Variants in CSF2RB observed in about 807,000 individuals in gnomAD.
CSF2RB encodes the protein colony stimulating factor 2 receptor subunit beta, also known as cytokine receptor common subunit beta.
A neutral mutation model predicts 67.2 loss-of-function variants in CSF2RB; 22 were observed. The observed-to-expected ratio is 0.33, with a 90% CI of 0.23 to 0.47. CSF2RB has a LOEUF of 0.47. Ranked by LOEUF, CSF2RB falls within the 20% of genes least tolerant of loss-of-function variation. CSF2RB has a pLI of 1.00. For missense variants in CSF2RB, 1,113 were observed against 1,174.5 expected, an observed-to-expected ratio of 0.95 and a Z score of 0.76; for synonymous variants, 507 against 482.9, an observed-to-expected ratio of 1.05 and a Z score of -0.65.
Position 36,936,603 on chromosome 22 carries a change from A to G in CSF2RB, c.1519A>G (p.Ser507Gly). The change falls in exon 13 of 14, where the codon AGT becomes GGT. Residue 507 changes from serine to glycine, a missense_variant. By Grantham distance (56) the Ser-to-Gly change is moderately conservative. Coordinates refer to ENST00000403662, the MANE Select transcript of CSF2RB (RefSeq NM_000395.3). Reference sequence around the variant, plus strand: ...CAGCATGTCGGCCTTCACTAGCGGGAGTCCCCCACACCAGGGGCCGTGGGG... The same window carrying G: ...CAGCATGTCGGCCTTCACTAGCGGGGGTCCCCCACACCAGGGGCCGTGGGG... The part of the protein sequence containing the change: ...PGSMSAFTSG[S>G]PPHQGPWGSR... 6.2e-7 allele frequency: 1 copy of G among 1,613,620 alleles called. No homozygotes were observed. The highest frequency in any genetic ancestry group is 8.5e-7 in the Non-Finnish European group (1 of 1,180,004).
intron 3 of CSF2RB, among the ~76,000 whole-genome samples, chr22:36,923,980 G>T (rs966700541): frequency 2.6e-5 from 4 of 152,134 alleles, no homozygotes; most frequent in African/African-American, 9.7e-5. Flanking sequence ...AAGGGGACCA[G>T]AATCGCTCTG....
intron 10 of CSF2RB, among the ~76,000 whole-genome samples, 190 bp downstream of exon 10, chr22:36,934,184 C>T (rs1483350660): frequency 1.3e-5 from 2 of 152,130 alleles, no homozygotes; most frequent in Non-Finnish European, 2.9e-5. Flanking sequence ...GGTCATCAGA[C>T]CCGCAAGTTG....
At chr22:36,933,040 T>C in intron 9 of CSF2RB, 136 bp downstream of exon 9, 1 of 1,043,202 alleles carries the variant, frequency 9.6e-7, no homozygotes, top group Non-Finnish European at 1.4e-6. Flanking sequence ...GACGTGGTGA[T>C]CACTAGGCTG....
chr22:36,922,414 C>T, intron 2 of CSF2RB, 131 bp downstream of exon 2: 3 of 804,654 alleles, frequency 3.7e-6, no homozygotes, highest in Non-Finnish European at 6.2e-6. Context: ...GTCTCTCCCC[C>T]TGGCCTTCCC....
Position 36,938,038 on chromosome 22 carries a change from T to G in CSF2RB, c.2230T>G (p.Leu744Val), listed in dbSNP as rs1476009791. 4 of 1,613,912 alleles carry G rather than the reference T, an allele frequency of 2.5e-6. No individual in the cohort carries two copies. In the Admixed American group the frequency reaches 6.7e-5, roughly 27 times the overall value. ...LGLPSDQTPS[L>V]CPGLASGPPG... ...CCTCCCCTCAGACCAGACCCCCAGC[T>G]TATGTCCTGGGCTGGCCAGTGGACC... is the stretch of plus-strand genomic sequence containing the variant. The change falls in exon 14 of 14, where the codon TTA (leucine) becomes GTA (valine). Residue 744 changes from leucine (L) to valine (V), a missense_variant. Physicochemically the swap from Leu to Val is conservative, Grantham distance 32. Around this residue, in one of 2 missense-constraint regions of CSF2RB, gnomAD observed 554 missense variants for 517.9 expected, o/e 1.07. Coordinates refer to ENST00000403662, the MANE Select transcript of CSF2RB (RefSeq NM_000395.3).
In CSF2RB at chr22:36,923,225, C is replaced by T; in HGVS notation, c.77-19C>T. The T allele has an allele frequency of 6.2e-7, 1 of 1,614,150 alleles. No homozygotes were observed. The highest frequency in any genetic ancestry group is 8.5e-7 in the Non-Finnish European group (1 of 1,180,016). ...CCCTGCAGGAAAGAGAGGTGACCCCCTTCTACCCCTCTTGTCAGAAACCAT... is the reference window on the plus strand; with the variant it reads ...CCCTGCAGGAAAGAGAGGTGACCCCTTTCTACCCCTCTTGTCAGAAACCAT... On this transcript the variant is annotated intron_variant, in intron 2 of 13. Transcript: ENST00000403662.
In CSF2RB at chr22:36,932,791, G is replaced by T; in HGVS notation, c.1039G>T (p.Val347Leu). 1.2e-6 allele frequency: 2 copies of T among 1,614,004 alleles called. No individual in the cohort carries two copies. The change falls in exon 9 of 14, where the codon GTG (valine) becomes TTG (leucine). Residue 347 changes from valine (V) to leucine (L), a missense_variant. By Grantham distance (32) the Val-to-Leu change is conservative. Around this residue, in one of 2 missense-constraint regions of CSF2RB, gnomAD observed 559 missense variants for 656.5 expected, o/e 0.85. Coordinates refer to ENST00000403662, the MANE Select transcript of CSF2RB (RefSeq NM_000395.3). ...NIQMAPPSLN[V>L]TKDGDSYSLR... ...CCAGATGGCCCCTCCATCCCTCAAC[G>T]TGACCAAGGATGGAGACAGCTACAG...
At position 36,922,186 on chromosome 22, in the gene CSF2RB, C is replaced by T. The variant is rs1226785167; in HGVS notation, c.-22C>T. ...AGCACCCACCAGTGCTGGTGCCTGC[C>T]TGTCCAGAGCTGACCAGGGAGATGG... On this transcript the variant is annotated 5_prime_UTR_variant, in exon 2 of 14. Transcript: ENST00000403662. 1.3e-6 allele frequency: 2 copies of T among 1,569,910 alleles called. No individual in the cohort carries two copies. Among genetic ancestry groups the T allele is most frequent in the African/African-American group, 1.3e-5 (1 of 74,288 alleles).
chr22:36,935,113 A>G (rs536985603), intron 10 of CSF2RB, among the ~76,000 whole-genome samples: 4 of 152,234 alleles, frequency 2.6e-5, no homozygotes, highest in Admixed American at 6.5e-5. Flanking sequence ...TAGATCCTGG[A>G]AAGGATCTGA....
In CSF2RB at chr22:36,937,189, A is replaced by T. The variant is rs1941284349; in HGVS notation, c.1569-188A>T. The stretch of plus-strand genomic sequence containing the variant: ...AGCTCCTGAGCCACGGAAAGACTGA[A>T]TCCATGTCCCATGTCCTTCTCTGGG... On this transcript the variant is annotated intron_variant, in intron 13 of 13. Coordinates refer to ENST00000403662, the MANE Select transcript of CSF2RB (RefSeq NM_000395.3). The surrounding 1 kb of genome is among the most constrained non-coding windows in gnomAD (Gnocchi z 4.6). Among the ~76,000 whole-genome samples, 2 of 152,074 alleles carry T rather than the reference A, an allele frequency of 1.3e-5. No individual in the cohort carries two copies. Among genetic ancestry groups the T allele is most frequent in the Middle Eastern group, 6.8e-3 (2 of 294 alleles).
rs762487806 is a variant in CSF2RB at position 36,938,464 on chromosome 22, C to T, written c.2656C>T (p.Pro886Ser). 2 of 1,613,910 alleles carry T rather than the reference C, an allele frequency of 1.2e-6. No individual in the cohort carries two copies. The highest frequency in any genetic ancestry group is 1.7e-6 in the Non-Finnish European group (2 of 1,179,980). The stretch of plus-strand genomic sequence containing the variant: ...GAAGCAGCAGGACTACCTGTCTCTG[C>T]CCCCTTGGGAGGTCAACAAGCCTGG... ...ALKQQDYLSL[P>S]PWEVNKPGEV... Residue 886 changes from proline to serine, a missense_variant, in exon 14 of 14, where the codon CCC becomes TCC. Coordinates refer to ENST00000403662, the MANE Select transcript of CSF2RB (RefSeq NM_000395.3).
At chr22:36,932,999 T>C (rs191616578) in intron 9 of CSF2RB, 95 bp downstream of exon 9, 1 of 1,506,542 alleles carries the variant, frequency 6.6e-7, no homozygotes, top group Admixed American at 1.9e-5. Context: ...GTCGGGCCCT[T>C]GGCAGGTGAC....
In CSF2RB at chr22:36,926,169, C is replaced by T. The variant is rs766052297; in HGVS notation, c.383C>T (p.Thr128Ile). The T allele has an allele frequency of 1.9e-6, 3 of 1,614,078 alleles. No individual in the cohort carries two copies. The highest frequency in any genetic ancestry group is 1.1e-5 in the South Asian group (1 of 91,082). The change falls in exon 4 of 14, where the codon ACC becomes ATC. Residue 128 changes from threonine (T) to isoleucine (I), a missense_variant. Thr to Ile is a moderately conservative substitution (Grantham distance 89, BLOSUM62 -1). Transcript: ENST00000403662. ...GGCACCCGGCTCACCGTCACTCTGA[C>T]CCAGCATGGTGAGGGGCTGGGGGCC... is the stretch of plus-strand genomic sequence containing the variant. Reference protein sequence around the residue: ...PLGTRLTVTLTQHVQPPEPRD... With the variant: ...PLGTRLTVTLIQHVQPPEPRD...
Position 36,936,570 on chromosome 22 carries a change from C to T in CSF2RB, c.1486C>T (p.Pro496Ser), listed in dbSNP as rs373727945. 7 of 1,612,970 alleles carry T rather than the reference C, an allele frequency of 4.3e-6. No homozygotes were observed. Among genetic ancestry groups the T allele is most frequent in the Non-Finnish European group, 5.9e-6 (7 of 1,180,000 alleles). ...GCAGAACGGGAGCGCAGAGCTTTGG[C>T]CCCCAGGCAGCATGTCGGCCTTCAC... is the stretch of plus-strand genomic sequence containing the variant. ...LFQNGSAELW[P>S]PGSMSAFTSG... The change falls in exon 13 of 14, where the codon CCC becomes TCC. Residue 496 changes from proline to serine, a missense_variant. Pro to Ser is a moderately conservative substitution (Grantham distance 74). Transcript: ENST00000403662.
chr22:36,924,371 C>T (rs908100963), intron 3 of CSF2RB, among the ~76,000 whole-genome samples: 14 of 151,922 alleles, frequency 9.2e-5, no homozygotes, highest in African/African-American at 2.4e-4. Flanking sequence ...AGGAACATCA[C>T]GGCCCCCAAG....
intron 13 of CSF2RB, 93 bp downstream of exon 13, chr22:36,936,745 T>A: frequency 9.0e-7 from 1 of 1,106,380 alleles, no homozygotes; most frequent in Non-Finnish European, 1.3e-6. Flanking sequence ...AGGCTGCCTG[T>A]GGCTCACTGT....
chr22:36,932,702 C>T, intron 8 of CSF2RB, 63 bp from the exon 9 acceptor site: 2 of 1,580,838 alleles, frequency 1.3e-6, no homozygotes, highest in Non-Finnish European at 1.7e-6. Context: ...TAGCATGAGA[C>T]ACGGGGAATG....
intron 1 of CSF2RB, among the ~76,000 whole-genome samples, chr22:36,919,599 C>T (rs1182686150): frequency 1.3e-5 from 2 of 150,454 alleles, no homozygotes; most frequent in African/African-American, 4.9e-5. Context: ...TTAGTAAAGA[C>T]GGGGTTCTAC....
At position 36,937,487 on chromosome 22, in the gene CSF2RB, A is replaced by G. The variant is rs1941293329; in HGVS notation, c.1679A>G (p.Asp560Gly). 1 of 1,614,000 alleles carries G rather than the reference A, an allele frequency of 6.2e-7. No homozygotes were observed. The highest frequency in any genetic ancestry group is 1.1e-5 in the South Asian group (1 of 91,084). ...CCTGACACGACTCCAGCTGCCTCAG[A>G]TCTACCCACAGAGCAGCCCCCCAGC... ...SGPDTTPAASDLPTEQPPSPQ... is the reference protein window; with the variant it reads ...SGPDTTPAASGLPTEQPPSPQ... Residue 560 changes from aspartate to glycine, a missense_variant, in exon 14 of 14, where the codon GAT (aspartate) becomes GGT (glycine). Transcript: ENST00000403662. The surrounding 1 kb of genome is among the most constrained non-coding windows in gnomAD (Gnocchi z 4.6).
Sources: allele counts gnomAD v4.1 joint callset (sites outside exome capture counted in the v4.1 genomes callset), GRCh38; gene constraint gnomAD v4.1.1; regional missense constraint gnomAD v4.1.1; non-coding constraint Gnocchi (gnomAD v3.1); transcripts MANE v1.5; gene names NCBI Gene and HGNC (gene_info 2026-07-23, HGNC 2026-07-21).